Variants in PLCL2 observed in about 807,000 individuals in gnomAD.
The protein encoded by PLCL2 is inactive phospholipase C-like protein 2.
PLCL2 carries 4 observed loss-of-function variants against 79.6 expected under a neutral mutation model. That is an observed-to-expected ratio of 0.05 (90% CI 0.02 to 0.11). The LOEUF is 0.11. Ranked by LOEUF, PLCL2 falls within the 10% of genes least tolerant of loss-of-function variation. PLCL2 has a pLI of 1.00. For synonymous variants in PLCL2, 484 were observed against 457.7 expected, an observed-to-expected ratio of 1.06 and a Z score of -0.73; for missense variants, 895 against 1,291.0, an observed-to-expected ratio of 0.69 and a Z score of 4.70.
chr3:16,908,594 C>T (rs1039703285), intron 1 of PLCL2, among the ~76,000 whole-genome samples: 7 of 152,210 alleles, frequency 4.6e-5, no homozygotes, highest in African/African-American at 1.7e-4. Context: ...GCACCCACCA[C>T]ATCCACTGCT....
intron 1 of PLCL2, among the ~76,000 whole-genome samples, chr3:16,935,994 G>A (rs574039397): frequency 1.6e-4 from 24 of 152,150 alleles, no homozygotes; most frequent in Non-Finnish European, 3.1e-4. Context: ...TTTCAGGTCC[G>A]TGGTGGCTCT....
chr3:16,904,034 T>C (rs575606540), intron 1 of PLCL2, among the ~76,000 whole-genome samples: 3 of 152,326 alleles, frequency 2.0e-5, no homozygotes, highest in Non-Finnish European at 4.4e-5. Context: ...ATGGATATCT[T>C]TGAACTCTAA....
At chr3:17,024,544 T>G (rs2064493199) in intron 3 of PLCL2, among the ~76,000 whole-genome samples, 2 of 152,354 alleles carry the variant, frequency 1.3e-5, no homozygotes, top group African/African-American at 4.8e-5. Context: ...AATAGTATTG[T>G]CTCTACATTC....
At chr3:17,046,614 C>G (rs1361165540) in intron 4 of PLCL2, among the ~76,000 whole-genome samples, 1 of 152,216 alleles carries the variant, frequency 6.6e-6, no homozygotes, top group Non-Finnish European at 1.5e-5. Flanking sequence ...AATCTCTACT[C>G]TAAAACCTCA....
At chr3:16,951,927 T>C (rs2063657320) in intron 1 of PLCL2, among the ~76,000 whole-genome samples, 1 of 151,978 alleles carries the variant, frequency 6.6e-6, no homozygotes, top group Admixed American at 6.6e-5. Context: ...TACAAAAAAT[T>C]AAAGCTTAGT....
intron 4 of PLCL2, among the ~76,000 whole-genome samples, 173 bp downstream of exon 4, chr3:17,043,122 A>C (rs2064743460): frequency 6.6e-6 from 1 of 152,192 alleles, no homozygotes; most frequent in Non-Finnish European, 1.5e-5. Context: ...TAACAAACTC[A>C]CCTGAGGGGA....
At chr3:16,910,947 A>G (rs1315762059) in intron 1 of PLCL2, among the ~76,000 whole-genome samples, 5 of 152,164 alleles carry the variant, frequency 3.3e-5, no homozygotes, top group Non-Finnish European at 5.9e-5. Context: ...TGTAAGTATT[A>G]TTCCCAATGT....
At chr3:17,077,002 C>T (rs1431597208) in intron 5 of PLCL2, among the ~76,000 whole-genome samples, 1 of 152,118 alleles carries the variant, frequency 6.6e-6, no homozygotes, top group Non-Finnish European at 1.5e-5. Flanking sequence ...TCACAATAGC[C>T]GTTTTCCAGC....
intron 3 of PLCL2, among the ~76,000 whole-genome samples, chr3:17,031,924 T>C: frequency 6.7e-6 from 1 of 149,690 alleles, no homozygotes; most frequent in East Asian, 1.9e-4. Flanking sequence ...TTGCTCAATT[T>C]TCACCTTTTT....
chr3:16,970,056 A>ATT lies in PLCL2; in HGVS notation c.328-39617_328-39616insTT, dbSNP rs386355771. On this transcript the variant is annotated intron_variant, in intron 1 of 5. Transcript: ENST00000615277. ...CTTTGATTTATATATATATATATATATATTTTATTTTATTATTATTACACT... is the reference window on the plus strand; with the variant it reads ...CTTTGATTTATATATATATATATATATTTATTTTATTTTATTATTATTACACT... Among the ~76,000 whole-genome samples the ATT allele has an allele frequency of 7.2e-3, 1,046 of 144,704 alleles. 9 individuals are homozygous for ATT. The highest frequency in any genetic ancestry group is 0.022 in the African/African-American group (876 of 39,102). 94.9% of individuals were successfully genotyped at this position (144,704 alleles called of 152,430 possible).
intron 1 of PLCL2, among the ~76,000 whole-genome samples, chr3:16,944,058 A>C (rs527854407): frequency 2.0e-5 from 3 of 152,330 alleles, no homozygotes; most frequent in African/African-American, 7.2e-5. Context: ...ATCACAGTGC[A>C]GGGATCCAAA....
intron 1 of PLCL2, among the ~76,000 whole-genome samples, chr3:16,905,815 T>G (rs1449861044): frequency 6.6e-6 from 1 of 152,200 alleles, no homozygotes; most frequent in Non-Finnish European, 1.5e-5. Context: ...CTATTAGTTG[T>G]GTACCCCAAT....
chr3:17,045,702 T>C (rs2064773151), intron 4 of PLCL2, among the ~76,000 whole-genome samples: 1 of 151,996 alleles, frequency 6.6e-6, no homozygotes, highest in African/African-American at 2.4e-5. Flanking sequence ...TAGGAGTATA[T>C]AAACGACCCA....
At chr3:16,885,902 G>GA (rs1489341187) in intron 1 of PLCL2, among the ~76,000 whole-genome samples, 2 of 152,168 alleles carry the variant, frequency 1.3e-5, no homozygotes, top group Non-Finnish European at 2.9e-5. Context: ...CAGTCACAAA[G>GA]AAAAATAGAG....
intron 1 of PLCL2, among the ~76,000 whole-genome samples, chr3:16,969,258 G>T (rs2063834892): frequency 6.6e-6 from 1 of 152,070 alleles, no homozygotes; most frequent in Non-Finnish European, 1.5e-5. Flanking sequence ...TGGCCTCATA[G>T]AATGAGTTAG....
At chr3:16,931,350 A>G (rs1173095732) in intron 1 of PLCL2, among the ~76,000 whole-genome samples, 7 of 152,196 alleles carry the variant, frequency 4.6e-5, no homozygotes, top group Non-Finnish European at 1.0e-4. Flanking sequence ...GATGTATGAA[A>G]TAGAAGAGGA....
rs753002943 is a variant in PLCL2, at chr3:17,010,347, T to C, written c.1001T>C (p.Val334Ala). The C allele has an allele frequency of 6.2e-7, 1 of 1,613,862 alleles. No individual in the cohort carries two copies. Among genetic ancestry groups the C allele is most frequent in the East Asian group, 2.2e-5 (1 of 44,864 alleles). ...TEVTKEEFIE[V>A]FHELCTRPEI... ...GTCACAAAGGAAGAATTTATTGAGG[T>C]TTTTCATGAGCTTTGTACTAGACCT... Residue 334 changes from valine to alanine, a missense_variant, in exon 2 of 6, where the codon GTT (valine) becomes GCT (alanine). Transcript: ENST00000615277. The surrounding 1 kb of genome is among the most constrained non-coding windows in gnomAD (Gnocchi z 5.8).
intron 3 of PLCL2, among the ~76,000 whole-genome samples, chr3:17,034,736 C>T (rs972743970): frequency 2.0e-5 from 3 of 152,108 alleles, no homozygotes; most frequent in African/African-American, 7.2e-5. Flanking sequence ...AAACTTAACC[C>T]TTGTTTATAT....
At chr3:16,910,186 A>C (rs890206119) in intron 1 of PLCL2, among the ~76,000 whole-genome samples, 7 of 152,200 alleles carry the variant, frequency 4.6e-5, no homozygotes, top group African/African-American at 9.7e-5. Flanking sequence ...GCTACTGCAC[A>C]ATTTCTTTGC....
Sources: gnomAD v4.1 joint callset for allele counts (sites outside exome capture counted in the v4.1 genomes callset) on GRCh38, gnomAD v4.1.1 for gene constraint, Gnocchi (gnomAD v3.1) non-coding constraint, MANE v1.5 for transcripts, NCBI Gene and HGNC (gene_info 2026-07-23, HGNC 2026-07-21) for gene names.